Variants in ZPBP observed in about 807,000 individuals in gnomAD.
ZPBP encodes zona pellucida-binding protein 1.
In ZPBP, 26 loss-of-function variants were observed where a neutral mutation model predicts 44.8. The observed-to-expected ratio is 0.58, with a 90% CI of 0.43 to 0.81. ZPBP has a LOEUF of 0.81. ZPBP is among the 30% of genes least tolerant of loss of function. The pLI, the probability that ZPBP is intolerant of heterozygous loss-of-function variation, is 0.00. For missense variants in ZPBP, 409 were observed against 434.0 expected (o/e 0.94, Z 0.51); for synonymous variants, 174 against 153.2 (o/e 1.14, Z -1.00).
At chr7:49,873,650 G>A (rs531028536) in intron 2 of ZPBP, among the ~76,000 whole-genome samples, 1 of 152,138 alleles carries the variant, frequency 6.6e-6, no homozygotes, top group Admixed American at 6.5e-5. Context: ...GCATAGCCAG[G>A]CATTATGCAG....
chr7:49,981,855 GAATTATATA>G (rs1796994929), intron 7 of ZPBP, among the ~76,000 whole-genome samples: 1 of 39,142 alleles, frequency 2.6e-5, no homozygotes, highest in Non-Finnish European at 4.1e-5. Context: ...ATAATTATAT[GAATTATATA>G]GATTATATAA....
chr7:49,920,305 T>C (rs1486851411), intron 1 of ZPBP: 1 of 152,222 alleles, frequency 6.6e-6, no homozygotes, highest in African/African-American at 2.4e-5. Context: ...GAGATAATTT[T>C]CCTTTAAATT....
At chr7:49,902,002 A>G (rs1792771740) in intron 1 of ZPBP, among the ~76,000 whole-genome samples, 1 of 150,488 alleles carries the variant, frequency 6.6e-6, no homozygotes, top group East Asian at 1.9e-4. Flanking sequence ...AAATAAATCA[A>G]GAGACAGACT....
chr7:50,089,000 G>C (rs1173528651), intron 2 of ZPBP, among the ~76,000 whole-genome samples: 1 of 152,012 alleles, frequency 6.6e-6, no homozygotes, highest in Non-Finnish European at 1.5e-5. Flanking sequence ...AGGGCACATA[G>C]TGTATGACTC....
At position 49,862,746 on chromosome 7, in the gene ZPBP, A is replaced by C. The variant is rs367706377; in HGVS notation, n.510-12232T>G. ...CATGAGTTTTTTTTTTTCATTCTTC[A>C]TTCTGTTAATGTGTTGTATTATGTC... On this transcript the variant is annotated intron_variant and non_coding_transcript_variant, in intron 2 of 2. Coordinates refer to the ZPBP transcript ENST00000465922. 1.6e-3 allele frequency among the ~76,000 whole-genome samples: 229 copies of C among 143,132 alleles called. 3 individuals carry two copies. The highest frequency in any genetic ancestry group is 6.0e-3 in the African/African-American group (220 of 36,660). 93.9% of individuals were successfully genotyped at this position (143,132 alleles called of 152,430 possible).
At chr7:49,908,624 C>G (rs565158763) in intron 1 of ZPBP, among the ~76,000 whole-genome samples, 15 of 151,928 alleles carry the variant, frequency 9.9e-5, no homozygotes, top group African/African-American at 2.4e-4. Context: ...AGGGCCACCC[C>G]AGTCAGTATA....
intron 3 of ZPBP, among the ~76,000 whole-genome samples, chr7:50,059,577 T>C (rs1249518169): frequency 6.6e-6 from 1 of 152,224 alleles, no homozygotes; most frequent in Non-Finnish European, 1.5e-5. Flanking sequence ...GAGTTCACTA[T>C]GTATTTCAGC....
At chr7:49,884,592 G>A (rs1394049667) in intron 2 of ZPBP, among the ~76,000 whole-genome samples, 1 of 152,098 alleles carries the variant, frequency 6.6e-6, no homozygotes, top group African/African-American at 2.4e-5. Flanking sequence ...TTAAGACAGT[G>A]GGTCAATTTC....
intron 6 of ZPBP, among the ~76,000 whole-genome samples, chr7:49,996,827 CAT>C (rs1281037690): frequency 6.6e-6 from 1 of 152,200 alleles, no homozygotes; most frequent in Non-Finnish European, 1.5e-5. Context: ...CATACGTCTG[CAT>C]ATGTCAGACT....
chr7:50,031,869 C>T (rs1799623560), intron 4 of ZPBP, among the ~76,000 whole-genome samples: 1 of 152,008 alleles, frequency 6.6e-6, no homozygotes, highest in South Asian at 2.1e-4. Flanking sequence ...TTGCCCATCC[C>T]AAATTCTCAC....
intron 3 of ZPBP, among the ~76,000 whole-genome samples, chr7:50,061,111 TC>T (rs1045341841): frequency 1.2e-4 from 18 of 152,036 alleles, no homozygotes; most frequent in African/African-American, 4.3e-4. Context: ...AAATTCAACC[TC>T]CCTTTATGTT....
At chr7:50,069,063 C>T (rs1801688902) in intron 3 of ZPBP, among the ~76,000 whole-genome samples, 1 of 152,172 alleles carries the variant, frequency 6.6e-6, no homozygotes, top group Non-Finnish European at 1.5e-5. Context: ...TTGGGCACGG[C>T]CAGATCTGAG....
chr7:50,087,235 C>T (rs1217930407), intron 2 of ZPBP, among the ~76,000 whole-genome samples: 7 of 151,950 alleles, frequency 4.6e-5, no homozygotes, highest in African/African-American at 1.4e-4. Flanking sequence ...AATTTACAGA[C>T]CAATTTTCCT....
chr7:50,060,367 C>T (rs1272421926), intron 3 of ZPBP, among the ~76,000 whole-genome samples: 1 of 151,980 alleles, frequency 6.6e-6, no homozygotes, highest in African/African-American at 2.4e-5. Flanking sequence ...ATCAACAAAA[C>T]TAAAGGCTGG....
At chr7:50,021,269 A>G (rs1799079555) in intron 5 of ZPBP, among the ~76,000 whole-genome samples, 1 of 152,098 alleles carries the variant, frequency 6.6e-6, no homozygotes. Flanking sequence ...AACCATGAAC[A>G]AAGAACTAAA....
intron 6 of ZPBP, among the ~76,000 whole-genome samples, chr7:49,983,824 AATTG>A (rs1407569208): frequency 6.6e-6 from 1 of 152,208 alleles, no homozygotes; most frequent in African/African-American, 2.4e-5. Flanking sequence ...AGCTCTTTGA[AATTG>A]ATTAAGAAAT....
At chr7:50,029,343 A>G (rs188704999) in intron 5 of ZPBP, among the ~76,000 whole-genome samples, 4 of 152,318 alleles carry the variant, frequency 2.6e-5, no homozygotes, top group Admixed American at 6.5e-5. Context: ...TTAGCTCAAA[A>G]TGAATCTTAG....
intron 7 of ZPBP, among the ~76,000 whole-genome samples, chr7:49,938,757 T>C (rs1016500088): frequency 5.3e-5 from 8 of 152,184 alleles, no homozygotes; most frequent in Admixed American, 2.0e-4. Flanking sequence ...TCTCAGAATA[T>C]GTTAATAGCA....
chr7:50,029,900 G>T (rs1368125041), intron 5 of ZPBP, among the ~76,000 whole-genome samples: 2 of 152,144 alleles, frequency 1.3e-5, no homozygotes, highest in Non-Finnish European at 2.9e-5. Flanking sequence ...CTGTCAGCCA[G>T]GCTGAAGTGC....
Sources: allele counts gnomAD v4.1 joint callset (sites outside exome capture counted in the v4.1 genomes callset), GRCh38; gene constraint gnomAD v4.1.1; transcripts MANE v1.5; gene names NCBI Gene and HGNC (gene_info 2026-07-23, HGNC 2026-07-21).